The following TIAM2 variants were observed in gnomAD, a reference collection of about 807,000 sequenced individuals.
TIAM2 encodes the protein TIAM Rac1 associated GEF 2.
A neutral mutation model predicts 152.9 loss-of-function variants in TIAM2; 80 were observed. The ratio of observed to expected loss-of-function variants is 0.52; its 90% CI spans 0.44 to 0.63. The LOEUF (loss-of-function observed/expected upper bound fraction) is 0.63. TIAM2 is among the 30% of genes least tolerant of loss of function. The probability of loss-of-function intolerance (pLI) is 0.00; values close to 1 mark genes in which losing one functional copy is unlikely to be tolerated. For synonymous variants in TIAM2, 804 were observed against 838.0 expected (o/e 0.96, Z 0.70); for missense variants, 1,965 against 2,120.1 (o/e 0.93, Z 1.44).
chr6:155,227,125 G>A (rs1300391322), intron 15 of TIAM2, among the ~76,000 whole-genome samples: 1 of 152,232 alleles, frequency 6.6e-6, no homozygotes, highest in Non-Finnish European at 1.5e-5. Context: ...AAGATACTTG[G>A]ACCAGAATTG....
chr6:155,084,224 A>C (rs1361724567), intron 1 of TIAM2, among the ~76,000 whole-genome samples: 2 of 152,134 alleles, frequency 1.3e-5, no homozygotes, highest in African/African-American at 4.8e-5. Flanking sequence ...GGTAGGAGCC[A>C]CTTCACAGCC....
At chr6:155,140,101 T>C (rs1174011507) in intron 5 of TIAM2, among the ~76,000 whole-genome samples, 2 of 152,250 alleles carry the variant, frequency 1.3e-5, no homozygotes, top group East Asian at 1.9e-4. Context: ...AGAGATGTCA[T>C]GTGATCATCA....
At chr6:155,153,621 C>T (rs1328880335) in intron 7 of TIAM2, among the ~76,000 whole-genome samples, 12 of 105,300 alleles carry the variant, frequency 1.1e-4, no homozygotes, top group South Asian at 3.4e-4. Context: ...GCTGTTTACG[C>T]TTTTTTTTTT....
intron 2 of TIAM2, among the ~76,000 whole-genome samples, chr6:155,117,568 G>C (rs7748132): frequency 6.6e-6 from 1 of 151,938 alleles, no homozygotes; most frequent in Non-Finnish European, 1.5e-5. Context: ...TCAGCCTCCC[G>C]AGTAGCTGGA....
intron 2 of TIAM2, among the ~76,000 whole-genome samples, chr6:155,096,765 T>C (rs1465050013): frequency 1.3e-5 from 2 of 152,188 alleles, no homozygotes; most frequent in Non-Finnish European, 1.5e-5. Context: ...TGATGGGTAC[T>C]TAGGTTGATA....
At chr6:155,087,704 G>C (rs572985063) in intron 1 of TIAM2, among the ~76,000 whole-genome samples, 1 of 152,084 alleles carries the variant, frequency 6.6e-6, no homozygotes, top group East Asian at 1.9e-4. Flanking sequence ...AGCTGAGATC[G>C]CGCCATTACA....
At chr6:155,030,763 A>G (rs1465311050) in intron 1 of TIAM2, among the ~76,000 whole-genome samples, 4 of 152,152 alleles carry the variant, frequency 2.6e-5, no homozygotes, top group Non-Finnish European at 4.4e-5. Flanking sequence ...GCTTTTCACT[A>G]TAGAAATTTT....
intron 1 of TIAM2, among the ~76,000 whole-genome samples, chr6:155,008,645 A>G (rs1009505435): frequency 6.6e-6 from 1 of 152,046 alleles, no homozygotes; most frequent in Non-Finnish European, 1.5e-5. Context: ...CCCCGCAGGC[A>G]GTGTGCCCAG....
At chr6:155,245,827 C>T in intron 19 of TIAM2, 96 bp downstream of exon 19, 2 of 826,016 alleles carry the variant, frequency 2.4e-6, no homozygotes, top group Non-Finnish European at 3.7e-6. Context: ...AGAGTAAGTA[C>T]AATTTTGATG....
At chr6:155,254,226 A>T in intron 25 of TIAM2, 166 bp downstream of exon 25, 1 of 993,244 alleles carries the variant, frequency 1.0e-6, no homozygotes, top group Middle Eastern at 3.0e-4. Context: ...ATGTTGATTA[A>T]ATAAATATCA....
chr6:155,106,039 A>G (rs976677554), intron 2 of TIAM2, among the ~76,000 whole-genome samples: 6 of 122,970 alleles, frequency 4.9e-5, no homozygotes, highest in Admixed American at 1.1e-4. Context: ...GAGAGTCTCT[A>G]TGTATCCCAG....
chr6:155,077,816 C>G (rs963410621), intron 1 of TIAM2, among the ~76,000 whole-genome samples: 1 of 152,002 alleles, frequency 6.6e-6, no homozygotes, highest in Non-Finnish European at 1.5e-5. Context: ...GGTAAGTGAC[C>G]CAAACCCTAC....
In TIAM2 at chr6:155,256,506, C is replaced by G. The variant is rs963957640; in HGVS notation, c.4491C>G (p.Val1497=). 5 of 1,614,188 alleles carry G rather than the reference C, an allele frequency of 3.1e-6. No individual in the cohort carries two copies. The East Asian group carries it at 1.1e-4, about 36-fold the overall frequency. The change falls in exon 27 of 27, where the codon GTC becomes GTG. Residue 1497 remains valine, a synonymous_variant. Transcript: ENST00000682666. ...AKLASSRSLK[V]LKNSSSNEWT... is the part of the protein sequence containing the mutation. The stretch of plus-strand genomic sequence containing the variant: ...TAGCTTCATCCAGGTCTTTAAAAGT[C>G]CTGAAGAATTCCTCCAGCAACGAGT...
chr6:154,999,540 T>C (rs899896737), intron 1 of TIAM2, among the ~76,000 whole-genome samples: 2 of 152,054 alleles, frequency 1.3e-5, no homozygotes, highest in African/African-American at 2.4e-5. Flanking sequence ...TATTATTTTC[T>C]ATAGGAGAAG....
chr6:155,177,072 C>T (rs1780777533), intron 10 of TIAM2, 95 bp downstream of exon 10: 1 of 1,277,944 alleles, frequency 7.8e-7, no homozygotes, highest in Non-Finnish European at 1.1e-6. Context: ...ATTCAAGGGC[C>T]CAGTTTCCAT....
intron 5 of TIAM2, among the ~76,000 whole-genome samples, chr6:155,143,675 G>A (rs1779761343): frequency 6.6e-6 from 1 of 152,158 alleles, no homozygotes; most frequent in Non-Finnish European, 1.5e-5. Flanking sequence ...ATTTTCTGTG[G>A]CCTCTTACAT....
intron 14 of TIAM2, among the ~76,000 whole-genome samples, chr6:155,190,480 A>T (rs768637596): frequency 6.6e-6 from 1 of 152,214 alleles, no homozygotes; most frequent in Non-Finnish European, 1.5e-5. Flanking sequence ...CTGGCCTGTG[A>T]CAGGGATGGC....
intron 14 of TIAM2, among the ~76,000 whole-genome samples, chr6:155,189,578 A>C (rs532419593): frequency 6.6e-6 from 1 of 152,116 alleles, no homozygotes; most frequent in African/African-American, 2.4e-5. Context: ...TCTTTTTCTT[A>C]TTCTCAGTCA....
intron 6 of TIAM2, among the ~76,000 whole-genome samples, chr6:155,145,684 C>T (rs1779805544): frequency 6.6e-6 from 1 of 152,086 alleles, no homozygotes; most frequent in Non-Finnish European, 1.5e-5. Flanking sequence ...TGGAAAGCCT[C>T]GTAAAGCTTG....
Sources: allele counts gnomAD v4.1 joint callset (sites outside exome capture counted in the v4.1 genomes callset), GRCh38; gene constraint gnomAD v4.1.1; transcripts MANE v1.5; gene names NCBI Gene and HGNC (gene_info 2026-07-23, HGNC 2026-07-21).